NR3C1: variants seen among roughly 807,000 people sequenced by gnomAD.
The protein encoded by NR3C1 is nuclear receptor subfamily 3 group C member 1.
NR3C1 carries 14 observed loss-of-function variants against 74.0 expected under a neutral mutation model. That is an observed-to-expected ratio of 0.19 (90% CI 0.12 to 0.30). The LOEUF is 0.30. Among genes scored for constraint, NR3C1 ranks in the 10% least tolerant of loss-of-function variants. The pLI, the probability that NR3C1 is intolerant of heterozygous loss-of-function variation, is 1.00. For missense variants in NR3C1, 695 were observed against 909.8 expected (o/e 0.76, Z 3.04); for synonymous variants, 308 against 332.5 (o/e 0.93, Z 0.80).
At chr5:143,309,094 A>C (rs1423315465) in intron 4 of NR3C1, among the ~76,000 whole-genome samples, 2 of 148,106 alleles carry the variant, frequency 1.4e-5, no homozygotes, top group African/African-American at 5.0e-5. Context: ...TTTTTTTCCA[A>C]GACGGAGTCT....
At chr5:143,424,257 A>T (rs566797897) in intron 1 of NR3C1, among the ~76,000 whole-genome samples, 1 of 152,196 alleles carries the variant, frequency 6.6e-6, no homozygotes, top group African/African-American at 2.4e-5. Flanking sequence ...TGTTTAATGG[A>T]TACGAAAATG....
chr5:143,294,571 T>G (rs1284690059), intron 7 of NR3C1, among the ~76,000 whole-genome samples: 1 of 152,182 alleles, frequency 6.6e-6, no homozygotes, highest in Non-Finnish European at 1.5e-5. Flanking sequence ...TAATGACATG[T>G]TTCCACCATT....
chr5:143,282,757 TTTTC>T (rs1368455893), intron 7 of NR3C1, 32 bp from the exon 8 acceptor site: 2 of 1,596,420 alleles, frequency 1.3e-6, no homozygotes, highest in Non-Finnish European at 1.7e-6. Context: ...AGTTAAAGGA[TTTTC>T]TTTTTCTTTT....
chr5:143,378,673 T>C (rs771643703), intron 2 of NR3C1, among the ~76,000 whole-genome samples: 1 of 152,230 alleles, frequency 6.6e-6, no homozygotes, highest in Non-Finnish European at 1.5e-5. Context: ...TTACTGTGTG[T>C]GTGTTTCATC....
chr5:143,358,254 C>T (rs772004019), intron 2 of NR3C1, among the ~76,000 whole-genome samples: 4 of 152,150 alleles, frequency 2.6e-5, no homozygotes, highest in Non-Finnish European at 5.9e-5. Flanking sequence ...CCCATGTTAG[C>T]TCAGCAGTGG....
chr5:143,417,125 G>C (rs1750947671), intron 1 of NR3C1, among the ~76,000 whole-genome samples: 1 of 152,028 alleles, frequency 6.6e-6, no homozygotes, highest in Admixed American at 6.5e-5. Flanking sequence ...GTTTATAGTA[G>C]ATTTGGTAAT....
Position 143,295,169 on chromosome 5 carries a change from TGATCAAA to T in NR3C1, c.2023+284_2023+290del, listed in dbSNP as rs1013920414. The T allele has an allele frequency of 1.3e-4, 124 of 985,406 alleles. 1 individual carries two copies. The highest frequency in any genetic ancestry group is 8.5e-4 in the African/African-American group (49 of 57,352). 61.0% of individuals were successfully genotyped at this position (985,406 alleles called of 1,614,324 possible). On this transcript the variant is annotated intron_variant, in intron 7 of 8. Coordinates refer to ENST00000394464, the MANE Select transcript of NR3C1 (RefSeq NM_000176.3). ...AGCTTTCTTTTTCCATGTCTTCCCA[TGATCAAA>T]GATCAAAGGAAGGAAGGAGAAAAAA...
At chr5:143,295,289 G>A in intron 7 of NR3C1, 171 bp downstream of exon 7, 1 of 985,176 alleles carries the variant, frequency 1.0e-6, no homozygotes, top group Non-Finnish European at 1.2e-6. Context: ...ATTAATCTTG[G>A]TGTCACTTAC....
intron 6 of NR3C1, among the ~76,000 whole-genome samples, chr5:143,297,841 G>A (rs1029782562): frequency 1.3e-5 from 2 of 152,214 alleles, no homozygotes; most frequent in Non-Finnish European, 2.9e-5. Context: ...GGATGGATGG[G>A]AATGAAGAGT....
chr5:143,303,904 A>G lies in NR3C1; in HGVS notation c.1469-3141T>C, dbSNP rs116879060. On this transcript the variant is annotated intron_variant, in intron 4 of 8. Transcript: ENST00000394464. The stretch of plus-strand genomic sequence containing the variant: ...GATAAAAACCTTCACCAAACTAGGT[A>G]TTGAAGGAACATACCTCAAAGTAAT... Among the ~76,000 whole-genome samples, 155 of 152,290 alleles carry G rather than the reference A, an allele frequency of 1.0e-3. 3 individuals are homozygous for G. In the East Asian group the frequency reaches 0.022, roughly 22 times the overall value.
At chr5:143,313,419 TA>T (rs1445498376) in intron 3 of NR3C1, among the ~76,000 whole-genome samples, 1 of 152,184 alleles carries the variant, frequency 6.6e-6, no homozygotes, top group Non-Finnish European at 1.5e-5. Context: ...CCCTCATCTA[TA>T]TTATAATCTC....
intron 2 of NR3C1, among the ~76,000 whole-genome samples, chr5:143,338,595 A>G (rs1827606301): frequency 6.6e-6 from 1 of 152,200 alleles, no homozygotes; most frequent in Non-Finnish European, 1.5e-5. Flanking sequence ...AAATGGAAAA[A>G]AGCTTACAGA....
intron 7 of NR3C1, 52 bp from the exon 8 acceptor site, chr5:143,282,777 CTTTTTTT>C (rs371512572): frequency 1.5e-6 from 2 of 1,325,982 alleles, no homozygotes; most frequent in African/African-American, 1.6e-5. Context: ...CTTTTCTTTT[CTTTTTTT>C]TTTTTTTTTG....
At chr5:143,352,174 A>G (rs1830352925) in intron 2 of NR3C1, among the ~76,000 whole-genome samples, 2 of 152,122 alleles carry the variant, frequency 1.3e-5, no homozygotes, top group Admixed American at 6.6e-5. Flanking sequence ...ATGACAAAAT[A>G]TGCTTAGCAA....
intron 2 of NR3C1, among the ~76,000 whole-genome samples, chr5:143,344,524 G>C (rs139923658): frequency 2.0e-3 from 303 of 152,224 alleles, no homozygotes; most frequent in African/African-American, 7.0e-3. Flanking sequence ...ATAGCCATAC[G>C]GCAGGTCTTT....
upstream of NR3C1, chr5:143,405,305 C>G (rs867217406): frequency 1.0e-6 from 1 of 985,556 alleles, no homozygotes; most frequent in Non-Finnish European, 1.2e-6. Context: ...TAATCCTGCT[C>G]GGGCGCTCGG....
chr5:143,309,966 T>C, intron 4 of NR3C1, 131 bp downstream of exon 4: 1 of 721,760 alleles, frequency 1.4e-6, no homozygotes, highest in South Asian at 1.5e-5. Flanking sequence ...GCAGTAACAT[T>C]ATGCTAGTCA....
intron 2 of NR3C1, among the ~76,000 whole-genome samples, chr5:143,323,783 G>A (rs984834632): frequency 2.6e-5 from 4 of 152,118 alleles, no homozygotes; most frequent in Non-Finnish European, 5.9e-5. Context: ...GAGGGATGGG[G>A]GGCAGGGGGT....
At chr5:143,338,454 C>T (rs950820776) in intron 2 of NR3C1, among the ~76,000 whole-genome samples, 1 of 151,750 alleles carries the variant, frequency 6.6e-6, no homozygotes, top group African/African-American at 2.4e-5. Flanking sequence ...TGTTATTGCC[C>T]CTGAAGGCCT....
Sources: allele counts gnomAD v4.1 joint callset (sites outside exome capture counted in the v4.1 genomes callset), GRCh38; gene constraint gnomAD v4.1.1; transcripts MANE v1.5; gene names NCBI Gene and HGNC (gene_info 2026-07-23, HGNC 2026-07-21).